Variants in SKA2 observed in about 807,000 individuals in gnomAD.
The protein encoded by SKA2 is spindle and kinetochore-associated protein 2.
SKA2 carries 13 observed loss-of-function variants against 16.9 expected under a neutral mutation model. The ratio of observed to expected loss-of-function variants is 0.77; its 90% CI spans 0.50 to 1.22. SKA2 has a LOEUF of 1.22. SKA2 is among the 50% of genes most tolerant of loss of function. The pLI is 0.00. For missense variants in SKA2, 107 were observed against 139.7 expected, an observed-to-expected ratio of 0.77 and a Z score of 1.18; for synonymous variants, 47 against 48.5, an observed-to-expected ratio of 0.97 and a Z score of 0.13.
At chr17:59,115,344 C>T (rs944091185) in intron 3 of SKA2, among the ~76,000 whole-genome samples, 10 of 152,100 alleles carry the variant, frequency 6.6e-5, no homozygotes, top group African/African-American at 2.4e-4. Context: ...AGGCGTGAGC[C>T]ACCATGCCCA....
chr17:59,144,406 C>A (rs529446432), intron 1 of SKA2, among the ~76,000 whole-genome samples: 13 of 152,308 alleles, frequency 8.5e-5, no homozygotes, highest in African/African-American at 3.1e-4. Context: ...AATTCCACTT[C>A]TGGGTATACA....
At chr17:59,118,691 C>T (rs1411481525) in intron 3 of SKA2, among the ~76,000 whole-genome samples, 1 of 152,152 alleles carries the variant, frequency 6.6e-6, no homozygotes, top group Admixed American at 6.6e-5. Flanking sequence ...TTCCTTCCTC[C>T]ATCATTCATC....
intron 1 of SKA2, chr17:59,151,326 C>A: frequency 7.3e-6 from 3 of 409,398 alleles, no homozygotes; most frequent in African/African-American, 2.2e-5. Context: ...CATCCAAAAC[C>A]AAAAAACATT....
intron 1 of SKA2, among the ~76,000 whole-genome samples, chr17:59,136,673 C>G (rs974241369): frequency 3.3e-5 from 5 of 151,990 alleles, no homozygotes; most frequent in African/African-American, 1.2e-4. Flanking sequence ...CTCATCCTCC[C>G]GAGCGGATGG....
chr17:59,153,051 G>T (rs958807575), intron 1 of SKA2, among the ~76,000 whole-genome samples: 22 of 152,100 alleles, frequency 1.4e-4, no homozygotes, highest in African/African-American at 5.1e-4. Flanking sequence ...CTTCATCATT[G>T]TTCACTTAAA....
At chr17:59,150,806 A>C (rs2046571761) in intron 1 of SKA2, among the ~76,000 whole-genome samples, 1 of 152,164 alleles carries the variant, frequency 6.6e-6, no homozygotes, top group Non-Finnish European at 1.5e-5. Context: ...AATTGTTTCC[A>C]TCACTACCAA....
chr17:59,133,810 T>C (rs2046426024), intron 1 of SKA2, among the ~76,000 whole-genome samples: 1 of 152,166 alleles, frequency 6.6e-6, no homozygotes, highest in Admixed American at 6.6e-5. Flanking sequence ...TCTATCTTTA[T>C]AGCCAAAACT....
At chr17:59,142,007 G>C (rs957568743) in intron 1 of SKA2, among the ~76,000 whole-genome samples, 5 of 151,982 alleles carry the variant, frequency 3.3e-5, no homozygotes, top group Admixed American at 6.6e-5. Context: ...AAAGATTCAA[G>C]GTCTCTTAAA....
chr17:59,141,945 T>C (rs1163193965), intron 1 of SKA2, among the ~76,000 whole-genome samples: 1 of 152,022 alleles, frequency 6.6e-6, no homozygotes, highest in Non-Finnish European at 1.5e-5. Flanking sequence ...CTCATCCTCT[T>C]TGAACCCATG....
At chr17:59,132,620 G>T (rs560139015) in intron 1 of SKA2, among the ~76,000 whole-genome samples, 5 of 152,206 alleles carry the variant, frequency 3.3e-5, no homozygotes, top group Admixed American at 1.3e-4. Context: ...GCCAAGATTG[G>T]CCACTGCACT....
intron 1 of SKA2, among the ~76,000 whole-genome samples, chr17:59,152,309 G>A (rs185589405): frequency 4.6e-5 from 7 of 152,000 alleles, no homozygotes; most frequent in South Asian, 2.1e-4. Flanking sequence ...CCCTTTAAAC[G>A]GTCCAATTCA....
At chr17:59,129,006 G>A (rs1206143208) in intron 2 of SKA2, among the ~76,000 whole-genome samples, 1 of 152,094 alleles carries the variant, frequency 6.6e-6, no homozygotes, top group Non-Finnish European at 1.5e-5. Context: ...GGAAGTCAGA[G>A]GAAAAATGGG....
At chr17:59,146,974 T>C (rs1008506140) in intron 1 of SKA2, among the ~76,000 whole-genome samples, 1 of 152,136 alleles carries the variant, frequency 6.6e-6, no homozygotes, top group African/African-American at 2.4e-5. Context: ...CTAGCCAATC[T>C]GGGATGGTCT....
chr17:59,137,272 C>T (rs980543331), intron 1 of SKA2, among the ~76,000 whole-genome samples: 1 of 152,262 alleles, frequency 6.6e-6, no homozygotes, highest in Admixed American at 6.5e-5. Flanking sequence ...CCCGCCTTAG[C>T]CTCTCAAAGT....
At chr17:59,153,700 G>A (rs2046594445) in intron 1 of SKA2, among the ~76,000 whole-genome samples, 3 of 152,186 alleles carry the variant, frequency 2.0e-5, no homozygotes, top group Admixed American at 2.0e-4. Context: ...GGATACCTAA[G>A]CAGTAATGCC....
intron 1 of SKA2, among the ~76,000 whole-genome samples, chr17:59,147,153 C>G (rs1371936901): frequency 1.3e-5 from 2 of 151,842 alleles, no homozygotes; most frequent in African/African-American, 4.8e-5. Context: ...AGCAAAACGC[C>G]ATCTCAGAAA....
chr17:59,113,091 C>T (rs536584378), intron 3 of SKA2, among the ~76,000 whole-genome samples: 14 of 151,674 alleles, frequency 9.2e-5, no homozygotes, highest in South Asian at 2.1e-4. Flanking sequence ...GGCATGGTGG[C>T]GCACACCTGT....
In SKA2 at chr17:59,155,175, G is replaced by T. The variant is rs1341869910; in HGVS notation, c.-12C>A. 1.2e-5 allele frequency: 19 copies of T among 1,613,972 alleles called. No individual in the cohort carries two copies. The highest frequency in any genetic ancestry group is 1.6e-5 in the Non-Finnish European group (19 of 1,179,888). The stretch of plus-strand genomic sequence containing the variant: ...ACCTCCGCCTCCATGTTGAATAGTT[G>T]ACATTCCGCAGACCGCGGCGGCGCT... On this transcript the variant is annotated 5_prime_UTR_variant, in exon 1 of 4. The change creates a premature stop within an existing upstream ORF in the 5' untranslated region. Coordinates refer to ENST00000330137, the MANE Select transcript of SKA2 (RefSeq NM_182620.4).
intron 1 of SKA2, among the ~76,000 whole-genome samples, chr17:59,135,592 A>G (rs1457639818): frequency 6.6e-6 from 1 of 151,960 alleles, no homozygotes; most frequent in Non-Finnish European, 1.5e-5. Flanking sequence ...GTGGGATTAC[A>G]GGCTTGGGCC....
Sources: allele counts gnomAD v4.1 joint callset (sites outside exome capture counted in the v4.1 genomes callset), GRCh38; gene constraint gnomAD v4.1.1; transcripts MANE v1.5; gene names NCBI Gene and HGNC (gene_info 2026-07-23, HGNC 2026-07-21).